The following ELF2 variants were observed in gnomAD, a reference collection of about 807,000 sequenced individuals.
ELF2 encodes the protein ETS-related transcription factor Elf-2.
In ELF2, 11 loss-of-function variants were observed where a neutral mutation model predicts 54.8. That is an observed-to-expected ratio of 0.20 (90% CI 0.13 to 0.33). ELF2 has a LOEUF of 0.33. Among genes scored for constraint, ELF2 ranks in the 10% least tolerant of loss-of-function variants. The pLI, the probability that ELF2 is intolerant of heterozygous loss-of-function variation, is 1.00. For missense variants in ELF2, 513 were observed against 703.0 expected, an observed-to-expected ratio of 0.73 and a Z score of 3.06; for synonymous variants, 203 against 245.1, an observed-to-expected ratio of 0.83 and a Z score of 1.61.
At chr4:139,125,122 A>G (rs1736787601) in intron 4 of ELF2, 42 bp downstream of exon 4, 6 of 1,574,390 alleles carry the variant, frequency 3.8e-6, no homozygotes, top group Non-Finnish European at 5.2e-6. Flanking sequence ...AGCTTACAAA[A>G]TGAGAAAGTT....
intron 4 of ELF2, among the ~76,000 whole-genome samples, chr4:139,110,761 T>G (rs1734874195): frequency 6.6e-6 from 1 of 152,222 alleles, no homozygotes; most frequent in South Asian, 2.1e-4. Context: ...AACTTGTCAC[T>G]AATAGGCCAA....
intron 4 of ELF2, among the ~76,000 whole-genome samples, chr4:139,106,182 T>C (rs1013981003): frequency 2.0e-5 from 3 of 152,136 alleles, no homozygotes; most frequent in Non-Finnish European, 2.9e-5. Flanking sequence ...GCCAAAGAAA[T>C]TAAATTCTCA....
chr4:139,093,816 A>G (rs1221385489), intron 4 of ELF2, among the ~76,000 whole-genome samples: 4 of 152,180 alleles, frequency 2.6e-5, no homozygotes, highest in Non-Finnish European at 5.9e-5. Context: ...AAGATTAGGA[A>G]CAAAACAGGG....
At chr4:139,126,999 T>A (rs1322861970) in intron 3 of ELF2, among the ~76,000 whole-genome samples, 1 of 152,208 alleles carries the variant, frequency 6.6e-6, no homozygotes, top group Non-Finnish European at 1.5e-5. Context: ...TATAGCAGTG[T>A]GACTCCTGAG....
intron 3 of ELF2, among the ~76,000 whole-genome samples, chr4:139,132,086 G>A (rs999648923): frequency 1.3e-5 from 2 of 152,118 alleles, no homozygotes; most frequent in African/African-American, 4.8e-5. Context: ...GCAGACAAAA[G>A]ATGGATTTTC....
intron 4 of ELF2, among the ~76,000 whole-genome samples, chr4:139,117,288 TAAAAGG>T (rs555579545): frequency 2.4e-4 from 37 of 152,212 alleles, no homozygotes; most frequent in Non-Finnish European, 4.6e-4. Flanking sequence ...TTTAAAAGAC[TAAAAGG>T]AAATGTTTTT....
intron 6 of ELF2, among the ~76,000 whole-genome samples, chr4:139,069,705 T>C (rs951773464): frequency 1.3e-4 from 20 of 152,138 alleles, no homozygotes; most frequent in African/African-American, 4.6e-4. Flanking sequence ...GCTCTCAAAA[T>C]AAAAAGAAGT....
chr4:139,098,795 A>T (rs1486139668), intron 4 of ELF2, among the ~76,000 whole-genome samples: 1 of 152,144 alleles, frequency 6.6e-6, no homozygotes, highest in Non-Finnish European at 1.5e-5. Context: ...ATTTTGGTTT[A>T]TCTGTTATAT....
At chr4:139,059,717 A>G (rs1229904772) in intron 9 of ELF2, 110 bp from the exon 10 acceptor site, 3 of 1,307,246 alleles carry the variant, frequency 2.3e-6, no homozygotes, top group African/African-American at 1.5e-5. Context: ...TAGTGCTCCC[A>G]AATTTTACAG....
intron 1 of ELF2, among the ~76,000 whole-genome samples, chr4:139,147,256 T>C (rs942738604): frequency 3.5e-4 from 54 of 152,238 alleles, no homozygotes; most frequent in African/African-American, 1.3e-3. Flanking sequence ...AAAGAAGATA[T>C]ACAACTGGCC....
chr4:139,168,544 C>T (rs552448927), intron 1 of ELF2, among the ~76,000 whole-genome samples: 2 of 152,246 alleles, frequency 1.3e-5, no homozygotes, highest in South Asian at 2.1e-4. Flanking sequence ...GAATCACTCC[C>T]TCCAAACTTC....
chr4:139,105,053 G>A (rs1688262812), intron 4 of ELF2, among the ~76,000 whole-genome samples: 1 of 152,162 alleles, frequency 6.6e-6, no homozygotes, highest in Non-Finnish European at 1.5e-5. Context: ...TATAGGTAAT[G>A]TGTACATGAT....
chr4:139,119,440 C>T (rs147952753), intron 4 of ELF2, among the ~76,000 whole-genome samples: 43 of 152,274 alleles, frequency 2.8e-4, no homozygotes, highest in African/African-American at 1.0e-3. Flanking sequence ...TGGTCAATGG[C>T]GTACCTTAGC....
chr4:139,076,361 G>A (rs879891734), intron 4 of ELF2, among the ~76,000 whole-genome samples: 4 of 151,612 alleles, frequency 2.6e-5, no homozygotes, highest in Admixed American at 2.0e-4. Context: ...AGAAAACTTA[G>A]CATTATTAAG....
chr4:139,177,292 T>A (rs1296817531), upstream of ELF2: 5 of 81,736 alleles, frequency 6.1e-5, no homozygotes, highest in East Asian at 1.3e-3. Context: ...CTCGGCCTCC[T>A]GCCGCCTCCA....
intron 5 of ELF2, 45 bp downstream of exon 5, chr4:139,073,409 G>A (rs1578701583): frequency 1.4e-6 from 2 of 1,381,390 alleles, no homozygotes; most frequent in Non-Finnish European, 2.0e-6. Flanking sequence ...TTAGACATAT[G>A]AAGTAGTATG....
chr4:139,057,240 TAATC>T (rs1727192096), downstream of ELF2: 1 of 152,158 alleles, frequency 6.6e-6, no homozygotes, highest in African/African-American at 2.4e-5. Context: ...AATGGGAAAA[TAATC>T]AAGTGAGTTT....
At position 139,071,885 on chromosome 4, in the gene ELF2, T is replaced by C. The variant is rs745427657; in HGVS notation, c.507A>G (p.Glu169=). The change falls in exon 6 of 10, where the codon GAA becomes GAG. Residue 169 remains glutamate (E), a synonymous_variant. Coordinates refer to ENST00000686138, the MANE Select transcript of ELF2 (RefSeq NM_001331036.3). Reference sequence around the variant, plus strand: ...CTCTACCTTTTTTCTTTTTCATTGGTTCATGGCTATCTGGTGATGTTGGAA... The same window carrying C: ...CTCTACCTTTTTTCTTTTTCATTGGCTCATGGCTATCTGGTGATGTTGGAA... The part of the protein sequence containing the change: ...SPIPTSPDSH[E]PMKKKKVGRK... 13 of 1,600,506 alleles carry C rather than the reference T, an allele frequency of 8.1e-6. No homozygotes were observed. The highest frequency in any genetic ancestry group is 5.9e-6 in the Non-Finnish European group (7 of 1,177,238).
intron 4 of ELF2, among the ~76,000 whole-genome samples, chr4:139,076,271 A>G (rs1019293576): frequency 1.3e-5 from 2 of 152,328 alleles, no homozygotes; most frequent in African/African-American, 4.8e-5. Flanking sequence ...AAGTAAATCT[A>G]TCTTTAGGTG....
Sources: gnomAD v4.1 joint callset for allele counts (sites outside exome capture counted in the v4.1 genomes callset) on GRCh38, gnomAD v4.1.1 for gene constraint, MANE v1.5 for transcripts, NCBI Gene and HGNC (gene_info 2026-07-23, HGNC 2026-07-21) for gene names.